The following KCNMA1 variants were observed in gnomAD, a reference collection of about 807,000 sequenced individuals.
KCNMA1 encodes Calcium-activated potassium channel subunit alpha-1.
Under a neutral mutation model 140.0 loss-of-function variants are expected in KCNMA1, and 29 were observed. The ratio of observed to expected loss-of-function variants is 0.21; its 90% confidence interval spans 0.15 to 0.28. KCNMA1 has a LOEUF of 0.28. Ranked by LOEUF, KCNMA1 falls within the 10% of genes least tolerant of loss-of-function variation. KCNMA1 has a pLI of 1.00. For synonymous variants in KCNMA1, 612 were observed against 611.9 expected (o/e 1.00, Z 0.00); for missense variants, 880 against 1,602.2 (o/e 0.55, Z 7.70).
intron 2 of KCNMA1, among the ~76,000 whole-genome samples, chr10:77,373,365 A>C (rs2094871696): frequency 6.6e-6 from 1 of 152,212 alleles, no homozygotes; most frequent in African/African-American, 2.4e-5. Flanking sequence ...TTCAACAGTA[A>C]CATGAGGGCG....
At chr10:76,994,810 T>C (rs2083726383) in intron 19 of KCNMA1, among the ~76,000 whole-genome samples, 1 of 152,308 alleles carries the variant, frequency 6.6e-6, no homozygotes, top group South Asian at 2.1e-4. Context: ...ATGTCCTAAA[T>C]GTGCTGGGCC....
chr10:77,321,257 A>G (rs2082258103), intron 2 of KCNMA1, among the ~76,000 whole-genome samples: 1 of 152,224 alleles, frequency 6.6e-6, no homozygotes, highest in African/African-American at 2.4e-5. Flanking sequence ...ATTCTATAAT[A>G]TATACCACAT....
At chr10:77,396,720 C>T (rs141797739) in intron 2 of KCNMA1, among the ~76,000 whole-genome samples, 6 of 152,254 alleles carry the variant, frequency 3.9e-5, no homozygotes, top group African/African-American at 1.4e-4. Flanking sequence ...AAGAGAGAGG[C>T]TGATATTTTT....
At chr10:77,330,628 C>T (rs900811811) in intron 2 of KCNMA1, among the ~76,000 whole-genome samples, 15 of 152,086 alleles carry the variant, frequency 9.9e-5, no homozygotes, top group African/African-American at 1.9e-4. Context: ...AGTGATCTCC[C>T]GATTATACAG....
chr10:77,382,398 G>A lies in KCNMA1; in HGVS notation c.540+21464C>T, dbSNP rs1045441107. The stretch of plus-strand genomic sequence containing the variant: ...ACAGATGAAGCAAGTGAGACACAGT[G>A]AAGCAGCTTGTCCAAGATGACAGTT... On this transcript the variant is annotated intron_variant, in intron 2 of 27. Coordinates refer to ENST00000286628, the MANE Select transcript of KCNMA1 (RefSeq NM_001161352.2). Among the ~76,000 whole-genome samples, 2 of 152,324 alleles carry A rather than the reference G, an allele frequency of 1.3e-5. 1 individual carries two copies. Among genetic ancestry groups the A allele is most frequent in the Middle Eastern group, 6.8e-3 (2 of 294 alleles).
intron 26 of KCNMA1, 52 bp downstream of exon 26, chr10:76,891,473 T>A: frequency 6.9e-7 from 1 of 1,450,340 alleles, no homozygotes; most frequent in Admixed American, 1.7e-5. Context: ...TTCTTCAGGA[T>A]CAAGCTTTTC....
intron 2 of KCNMA1, among the ~76,000 whole-genome samples, chr10:77,262,723 T>A (rs1459003022): frequency 1.3e-5 from 2 of 152,096 alleles, no homozygotes; most frequent in East Asian, 3.9e-4. Context: ...TGCCATGTGA[T>A]ACACCAGCTC....
At chr10:76,904,453 G>A (rs77507682) in intron 25 of KCNMA1, 3,373 of 152,222 alleles carry the variant, frequency 0.022, 123 homozygotes, top group African/African-American at 0.076. Context: ...CAGATGTATC[G>A]TACACTAGCA....
intron 3 of KCNMA1, among the ~76,000 whole-genome samples, chr10:77,210,900 G>C (rs1336071698): frequency 1.3e-5 from 2 of 152,080 alleles, no homozygotes; most frequent in Admixed American, 6.6e-5. Context: ...AAACACTGCT[G>C]AAAGAAGTCA....
At chr10:77,520,610 T>A (rs1218473968) in intron 1 of KCNMA1, among the ~76,000 whole-genome samples, 2 of 151,990 alleles carry the variant, frequency 1.3e-5, no homozygotes, top group Non-Finnish European at 2.9e-5. Flanking sequence ...ATCCAGGAAT[T>A]GAGATGAGAA....
In KCNMA1 at chr10:77,468,866, G is replaced by T. The variant is rs182224222; in HGVS notation, c.379-64843C>A. Among the ~76,000 whole-genome samples, 64 of 152,240 alleles carry T rather than the reference G, an allele frequency of 4.2e-4. No individual in the cohort carries two copies. In the East Asian group the frequency reaches 7.7e-3, roughly 18 times the overall value. On this transcript the variant is annotated intron_variant, in intron 1 of 27. Coordinates refer to ENST00000286628, the MANE Select transcript of KCNMA1 (RefSeq NM_001161352.2). ...AGCACTCAGTAGGTGTCCAGCAAAT[G>T]TTTCTTGCACTACTTGTGATTAGTA...
chr10:77,569,049 A>T, intron 1 of KCNMA1, among the ~76,000 whole-genome samples: 1 of 111,158 alleles, frequency 9.0e-6, no homozygotes, highest in East Asian at 2.7e-4. Flanking sequence ...GACCTCTTCA[A>T]GGAGAACTAC....
intron 24 of KCNMA1, chr10:76,910,361 C>A: frequency 2.3e-6 from 1 of 442,314 alleles, no homozygotes; most frequent in Non-Finnish European, 4.2e-6. Context: ...GACCAATAGA[C>A]TGTGCTGGCC....
At position 77,391,095 on chromosome 10, in the gene KCNMA1, T is replaced by C. The variant is rs1003457971; in HGVS notation, c.540+12767A>G. Among the ~76,000 whole-genome samples the C allele has an allele frequency of 2.6e-5, 4 of 152,154 alleles. No homozygotes were observed. The East Asian group carries it at 7.7e-4, about 29-fold the overall frequency. On this transcript the variant is annotated intron_variant, in intron 2 of 27. Transcript: ENST00000286628. Reference sequence around the variant, plus strand: ...GGGAACAGTTCTAGGAAGGTGATAGTTTCTCGATCCTTTGCGTTAACCTGC... The same window carrying C: ...GGGAACAGTTCTAGGAAGGTGATAGCTTCTCGATCCTTTGCGTTAACCTGC...
chr10:76,964,623 G>A (rs1565229204), intron 20 of KCNMA1, among the ~76,000 whole-genome samples: 1 of 152,068 alleles, frequency 6.6e-6, no homozygotes, highest in East Asian at 1.9e-4. Context: ...TCTTTCTTTT[G>A]CCCAGTGGAA....
intron 22 of KCNMA1, among the ~76,000 whole-genome samples, chr10:76,945,558 G>A (rs1453891421): frequency 1.3e-5 from 2 of 152,126 alleles, no homozygotes; most frequent in African/African-American, 4.8e-5. Flanking sequence ...AAGGAGTTAA[G>A]CTTCAGATCA....
At chr10:77,429,728 T>C (rs2097108411) in intron 1 of KCNMA1, among the ~76,000 whole-genome samples, 1 of 152,216 alleles carries the variant, frequency 6.6e-6, no homozygotes, top group African/African-American at 2.4e-5. Context: ...AACCCCTTTA[T>C]TCCTATATTT....
At chr10:77,241,417 G>A (rs2057239447) in intron 3 of KCNMA1, among the ~76,000 whole-genome samples, 1 of 152,202 alleles carries the variant, frequency 6.6e-6, no homozygotes, top group Non-Finnish European at 1.5e-5. Context: ...GCTGAGGTGG[G>A]AGGACTGCTA....
chr10:77,610,662 T>C (rs973790202), intron 1 of KCNMA1, among the ~76,000 whole-genome samples: 2 of 152,204 alleles, frequency 1.3e-5, no homozygotes, highest in Non-Finnish European at 2.9e-5. Flanking sequence ...ATTCCACTTA[T>C]ATGAAGTGTC....
Sources: allele counts gnomAD v4.1 joint callset (sites outside exome capture counted in the v4.1 genomes callset), GRCh38; gene constraint gnomAD v4.1.1; transcripts MANE v1.5; gene names NCBI Gene and HGNC (gene_info 2026-07-23, HGNC 2026-07-21).